Variants in LAMC1 observed in about 807,000 individuals in gnomAD.
The protein encoded by LAMC1 is laminin subunit gamma 1, also known as laminin subunit gamma-1.
LAMC1 carries 38 observed loss-of-function variants against 173.6 expected under a neutral mutation model. The ratio of observed to expected loss-of-function variants is 0.22; its 90% CI spans 0.17 to 0.29. The LOEUF (loss-of-function observed/expected upper bound fraction) is 0.29, where lower values mean the gene tolerates loss of function less well. Ranked by LOEUF, LAMC1 falls within the 10% of genes least tolerant of loss-of-function variation. LAMC1 has a pLI of 1.00. For synonymous variants in LAMC1, 746 were observed against 749.1 expected (o/e 1.00, Z 0.07); for missense variants, 1,824 against 2,051.8 (o/e 0.89, Z 2.14).
Position 183,023,696 on chromosome 1 carries a change from A to T in LAMC1, c.-21A>T, listed in dbSNP as rs1653598720. Reference sequence around the variant, plus strand: ...CGCCGGTGCCCTTGCCTTCGCCGTGACCCAGCGTGCGGGCGGCGGGATGAG... The same window carrying T: ...CGCCGGTGCCCTTGCCTTCGCCGTGTCCCAGCGTGCGGGCGGCGGGATGAG... On this transcript the variant is annotated 5_prime_UTR_variant, in exon 1 of 28. Transcript: ENST00000258341. 1 of 1,168,376 alleles carries T rather than the reference A, an allele frequency of 8.6e-7. No homozygotes were observed. The highest frequency in any genetic ancestry group is 1.1e-6 in the Non-Finnish European group (1 of 944,234). The allele number at this position is 1,168,376 out of a possible 1,614,324, so 72.4% of individuals were successfully genotyped here. A position where few individuals can be genotyped will look rare whatever the true frequency, so the allele number is the denominator to read the frequency against.
chr1:183,066,422 A>G (rs1654874393), intron 1 of LAMC1, among the ~76,000 whole-genome samples: 1 of 152,226 alleles, frequency 6.6e-6, no homozygotes, highest in Non-Finnish European at 1.5e-5. Flanking sequence ...CTAGAACCAG[A>G]AATACCATTT....
At chr1:183,117,024 T>A in intron 8 of LAMC1, 121 bp downstream of exon 8, 1 of 1,014,464 alleles carries the variant, frequency 9.9e-7, no homozygotes, top group Non-Finnish European at 1.4e-6. Flanking sequence ...TTGTATTATT[T>A]AGCATGCATA....
At chr1:183,113,788 T>C (rs898120485) in intron 4 of LAMC1, among the ~76,000 whole-genome samples, 5 of 152,218 alleles carry the variant, frequency 3.3e-5, no homozygotes, top group African/African-American at 1.2e-4. Flanking sequence ...ATTTGACTCA[T>C]CTGAGGCCTA....
At chr1:183,138,564 G>C (rs2147578) in intron 26 of LAMC1, 80,784 of 152,012 alleles carry the variant, frequency 0.53, 21,961 homozygotes, top group South Asian at 0.65. Flanking sequence ...TAGTCCCTCA[G>C]TGTGGGTCAT....
chr1:183,102,650 A>G lies in LAMC1; in HGVS notation c.419-678A>G, dbSNP rs543007126. 2.6e-5 allele frequency among the ~76,000 whole-genome samples: 4 copies of G among 152,260 alleles called. No individual in the cohort carries two copies. The East Asian group carries it at 7.7e-4, about 29-fold the overall frequency. The stretch of plus-strand genomic sequence containing the variant: ...TCTCTGCTCAGAGCTCATTTCTCAT[A>G]TATTCTCTTTTGAACATATTGAAAC... On this transcript the variant is annotated intron_variant, in intron 1 of 27. Transcript: ENST00000258341.
At chr1:183,027,086 T>G (rs1053978843) in intron 1 of LAMC1, among the ~76,000 whole-genome samples, 22 of 152,198 alleles carry the variant, frequency 1.4e-4, no homozygotes, top group African/African-American at 5.3e-4. Flanking sequence ...AATACAAATC[T>G]GATTATTGTG....
intron 19 of LAMC1, 39 bp downstream of exon 19, chr1:183,130,588 G>GC (rs1203681189): frequency 6.5e-7 from 1 of 1,547,160 alleles, no homozygotes; most frequent in African/African-American, 1.4e-5. Flanking sequence ...GATGGGGGAG[G>GC]CCCCTGGGGT....
intron 11 of LAMC1, 57 bp from the exon 12 acceptor site, chr1:183,121,666 A>T: frequency 6.8e-7 from 1 of 1,470,920 alleles, no homozygotes; most frequent in Non-Finnish European, 9.2e-7. Flanking sequence ...TACTGACTTT[A>T]CACAAGGTTT....
At chr1:183,029,562 G>A (rs1380287271) in intron 1 of LAMC1, among the ~76,000 whole-genome samples, 2 of 152,154 alleles carry the variant, frequency 1.3e-5, no homozygotes, top group Non-Finnish European at 2.9e-5. Context: ...GTTGCTTCAC[G>A]TGTTCACAGG....
Position 183,127,216 on chromosome 1 carries a change from T to C in LAMC1, c.2945-10T>C, listed in dbSNP as rs764370167. 1 of 1,612,854 alleles carries C rather than the reference T, an allele frequency of 6.2e-7. No homozygotes were observed. The highest frequency in any genetic ancestry group is 2.2e-5 in the East Asian group (1 of 44,866). On this transcript the variant is annotated splice_polypyrimidine_tract_variant and intron_variant, in intron 16 of 27. Transcript: ENST00000258341. ...TGCTAATTATGTATTATTTTCTCCTTATTCTGCAGCCTGTGACTGTCATCC... is the reference window on the plus strand; with the variant it reads ...TGCTAATTATGTATTATTTTCTCCTCATTCTGCAGCCTGTGACTGTCATCC...
intron 1 of LAMC1, among the ~76,000 whole-genome samples, chr1:183,080,797 A>C (rs1453756069): frequency 6.6e-6 from 1 of 151,802 alleles, no homozygotes; most frequent in Non-Finnish European, 1.5e-5. Flanking sequence ...TTTTCAACAC[A>C]GTCCTTGGCT....
At chr1:183,123,172 A>G (rs1408487636) in intron 13 of LAMC1, among the ~76,000 whole-genome samples, 2 of 152,156 alleles carry the variant, frequency 1.3e-5, no homozygotes, top group South Asian at 4.1e-4. Context: ...CTGAAACCTT[A>G]GGGCCTATAC....
At chr1:183,132,884 G>A (rs1020562521) in intron 21 of LAMC1, among the ~76,000 whole-genome samples, 5 of 152,148 alleles carry the variant, frequency 3.3e-5, no homozygotes, top group Admixed American at 2.0e-4. Context: ...TATATGGTAA[G>A]CCATACATTA....
Position 183,023,669 on chromosome 1 carries a change from C to A in LAMC1, c.-48C>A. ...GGGGGACGCCGCTAGGCGAGAGGAA[C>A]GCGCCGGTGCCCTTGCCTTCGCCGT... On this transcript the variant is annotated 5_prime_UTR_variant, in exon 1 of 28. Transcript: ENST00000258341. 1 of 1,150,502 alleles carries A rather than the reference C, an allele frequency of 8.7e-7. No individual in the cohort carries two copies. The highest frequency in any genetic ancestry group is 1.1e-6 in the Non-Finnish European group (1 of 934,078). 71.3% of individuals were successfully genotyped at this position (1,150,502 alleles called of 1,614,324 possible).
chr1:183,133,326 C>T, intron 21 of LAMC1, 80 bp from the exon 22 acceptor site: 1 of 1,266,286 alleles, frequency 7.9e-7, no homozygotes, highest in African/African-American at 1.5e-5. Context: ...CGTATTATCA[C>T]ATGATCATGT....
chr1:183,057,990 G>T (rs1015277736), intron 1 of LAMC1, among the ~76,000 whole-genome samples: 4 of 152,154 alleles, frequency 2.6e-5, no homozygotes, highest in Non-Finnish European at 4.4e-5. Flanking sequence ...GCTCTTGTTT[G>T]ACAGATAATA....
At chr1:183,108,255 T>C (rs1490833862) in intron 2 of LAMC1, 21 bp from the exon 3 acceptor site, 1 of 1,609,620 alleles carries the variant, frequency 6.2e-7, no homozygotes, top group East Asian at 2.2e-5. Flanking sequence ...CTTTTATGTT[T>C]CTATTTTTGC....
chr1:183,127,326 T>C lies in LAMC1; in HGVS notation c.3045T>C (p.Cys1015=). ...TTGTGGGAAATCGCTGTGACCAGTG[T>C]GAAGAAAACTATTTCTACAATCGGT... ...EGFVGNRCDQ[C]EENYFYNRSW... The change falls in exon 17 of 28, where the codon TGT becomes TGC. Residue 1015 remains cysteine (C), a synonymous_variant. Coordinates refer to ENST00000258341, the MANE Select transcript of LAMC1 (RefSeq NM_002293.4). 6.2e-7 allele frequency: 1 copy of C among 1,614,202 alleles called. No homozygotes were observed. Among genetic ancestry groups the C allele is most frequent in the Non-Finnish European group, 8.5e-7 (1 of 1,180,030 alleles).
rs762547261 is a variant in LAMC1 at position 183,125,475 on chromosome 1, C to T, written c.2726C>T (p.Pro909Leu). The change falls in exon 15 of 28, where the codon CCT becomes CTT. Residue 909 changes from proline to leucine, a missense_variant. Transcript: ENST00000258341. Reference sequence around the variant, plus strand: ...GTGACGGGGCAGTGTGAATGTTTGCCTCACGTGACTGGCCAGGACTGTGGT... The same window carrying T: ...GTGACGGGGCAGTGTGAATGTTTGCTTCACGTGACTGGCCAGGACTGTGGT... ...NPVTGQCECLPHVTGQDCGAC... is the reference protein window; with the variant it reads ...NPVTGQCECLLHVTGQDCGAC... 15 of 1,613,868 alleles carry T rather than the reference C, an allele frequency of 9.3e-6. No homozygotes were observed. The South Asian group carries it at 1.5e-4, about 17-fold the overall frequency.
Sources: gnomAD v4.1 joint callset for allele counts (sites outside exome capture counted in the v4.1 genomes callset) on GRCh38, gnomAD v4.1.1 for gene constraint, MANE v1.5 for transcripts, NCBI Gene and HGNC (gene_info 2026-07-23, HGNC 2026-07-21) for gene names.